Variants in TDRD10 observed in about 807,000 individuals in gnomAD.
The protein encoded by TDRD10 is tudor domain-containing protein 10.
TDRD10 carries 40 observed loss-of-function variants against 48.0 expected under a neutral mutation model. The ratio of observed to expected loss-of-function variants is 0.83; its 90% CI spans 0.65 to 1.09. The LOEUF (loss-of-function observed/expected upper bound fraction) is 1.09, where lower values mean the gene tolerates loss of function less well. TDRD10 is among the 50% of genes least tolerant of loss of function. TDRD10 has a pLI of 0.00. For missense variants in TDRD10, 378 were observed against 434.7 expected, an observed-to-expected ratio of 0.87 and a Z score of 1.16; for synonymous variants, 162 against 170.4, an observed-to-expected ratio of 0.95 and a Z score of 0.38.
At chr1:154,516,076 G>T (rs955855020) in intron 4 of TDRD10, among the ~76,000 whole-genome samples, 2 of 152,180 alleles carry the variant, frequency 1.3e-5, no homozygotes, top group African/African-American at 4.8e-5. Context: ...GCCCAGCAGG[G>T]CTCTGCTTTC....
chr1:154,541,292 G>A (rs917232994), intron 6 of TDRD10, among the ~76,000 whole-genome samples: 3 of 151,964 alleles, frequency 2.0e-5, no homozygotes, highest in African/African-American at 4.8e-5. Flanking sequence ...GAGCGGGAGA[G>A]GGGTTGGTGG....
chr1:154,519,688 A>G (rs1475315605), intron 4 of TDRD10, among the ~76,000 whole-genome samples: 1 of 152,176 alleles, frequency 6.6e-6, no homozygotes, highest in Non-Finnish European at 1.5e-5. Flanking sequence ...GGCAGAAAAG[A>G]GAAAAAATAG....
At chr1:154,522,600 CT>C (rs1159564459) in intron 6 of TDRD10, among the ~76,000 whole-genome samples, 2 of 152,070 alleles carry the variant, frequency 1.3e-5, no homozygotes, top group African/African-American at 2.4e-5. Flanking sequence ...AAAGCTAGGA[CT>C]TTGAGACCAA....
At chr1:154,544,324 T>A (rs1356933080) in intron 9 of TDRD10, 48 bp from the exon 10 acceptor site, 1 of 1,553,812 alleles carries the variant, frequency 6.4e-7, no homozygotes, top group Non-Finnish European at 8.7e-7. Context: ...GGAGGCAGAT[T>A]TGTAATGCAG....
intron 6 of TDRD10, among the ~76,000 whole-genome samples, chr1:154,523,437 G>A (rs1315315066): frequency 6.6e-6 from 1 of 152,178 alleles, no homozygotes; most frequent in African/African-American, 2.4e-5. Flanking sequence ...TAGCCCCAGC[G>A]ATTCTGACTC....
intron 11 of TDRD10, among the ~76,000 whole-genome samples, chr1:154,545,731 C>T (rs895374663): frequency 6.0e-5 from 9 of 150,516 alleles, no homozygotes; most frequent in African/African-American, 1.5e-4. Context: ...TGAGCTGCCG[C>T]GCTTAGCTGA....
At chr1:154,542,199 C>T in intron 7 of TDRD10, 133 bp downstream of exon 7, 1 of 839,450 alleles carries the variant, frequency 1.2e-6, no homozygotes, top group Non-Finnish European at 1.8e-6. Context: ...ATCCCTTTTC[C>T]CTTTCTTCCT....
intron 6 of TDRD10, among the ~76,000 whole-genome samples, chr1:154,524,035 A>AGATT (rs1273671286): frequency 3.3e-5 from 5 of 152,004 alleles, no homozygotes; most frequent in Admixed American, 6.6e-5. Context: ...CTCTTTTTTA[A>AGATT]GATTAACATT....
intron 6 of TDRD10, among the ~76,000 whole-genome samples, chr1:154,526,262 C>T (rs1694313066): frequency 6.8e-6 from 1 of 147,552 alleles, no homozygotes; most frequent in South Asian, 2.1e-4. Context: ...CTAGCCAGGC[C>T]TACAGGCACT....
rs768884159 is a variant in TDRD10, at chr1:154,508,459, A to G, written c.119A>G (p.Asn40Ser). ...KKRETEVYVG[N>S]LPLDISKEEI... Reference sequence around the variant, plus strand: ...AGAGAGACAGAGGTGTATGTTGGCAATCTTCCACTGGATATTTCTAAGGTA... The same window carrying G: ...AGAGAGACAGAGGTGTATGTTGGCAGTCTTCCACTGGATATTTCTAAGGTA... Residue 40 changes from asparagine to serine, a missense_variant, in exon 4 of 13, where the codon AAT becomes AGT. Asn to Ser is a conservative substitution (Grantham distance 46). Around this residue, in one of 2 missense-constraint regions of TDRD10, gnomAD observed 310 missense variants for 323.6 expected, o/e 0.96. Transcript: ENST00000368482. 23 of 1,610,380 alleles carry G rather than the reference A, an allele frequency of 1.4e-5. No individual in the cohort carries two copies. The highest frequency in any genetic ancestry group is 1.1e-4 in the East Asian group (5 of 44,866).
chr1:154,517,638 T>C (rs905540485), intron 4 of TDRD10, among the ~76,000 whole-genome samples: 11 of 152,164 alleles, frequency 7.2e-5, no homozygotes, highest in Non-Finnish European at 1.2e-4. Flanking sequence ...GTCAGGCTAG[T>C]CTCAAACTCC....
chr1:154,516,126 A>G (rs1693752825), intron 4 of TDRD10, among the ~76,000 whole-genome samples: 1 of 152,218 alleles, frequency 6.6e-6, no homozygotes, highest in Non-Finnish European at 1.5e-5. Flanking sequence ...GGCACCTAAT[A>G]AGTATCTATT....
At chr1:154,504,771 T>A (rs1179031975) in intron 1 of TDRD10, among the ~76,000 whole-genome samples, 1 of 152,176 alleles carries the variant, frequency 6.6e-6, no homozygotes, top group East Asian at 1.9e-4. Flanking sequence ...ATTCTTTAGG[T>A]CTTTTTAAAA....
chr1:154,526,628 G>A lies in TDRD10; in HGVS notation c.369+5149G>A, dbSNP rs571688599. 7.2e-5 allele frequency among the ~76,000 whole-genome samples: 11 copies of A among 152,084 alleles called. No homozygotes were observed. The South Asian group carries it at 2.3e-3, about 32-fold the overall frequency. On this transcript the variant is annotated intron_variant, in intron 6 of 12. Transcript: ENST00000368482. ...ACGCCACCACGCCCAGCTAATTTTTGTATTTTTGTAGAGACAGGGTTTCAC... is the reference window on the plus strand; with the variant it reads ...ACGCCACCACGCCCAGCTAATTTTTATATTTTTGTAGAGACAGGGTTTCAC...
intron 7 of TDRD10, 118 bp from the exon 8 acceptor site, chr1:154,542,613 C>T (rs1281787526): frequency 5.7e-6 from 4 of 703,302 alleles, no homozygotes; most frequent in Admixed American, 2.7e-5. Context: ...GAGGGTGCAG[C>T]TTCTTGGCCC....
intron 6 of TDRD10, among the ~76,000 whole-genome samples, chr1:154,533,900 T>A (rs1258999164): frequency 7.7e-6 from 1 of 129,370 alleles, no homozygotes; most frequent in Non-Finnish European, 1.8e-5. Flanking sequence ...TATATTTTTT[T>A]TTAATTTTCT....
Position 154,508,490 on chromosome 1 carries a change from T to C in TDRD10, c.141+9T>C, listed in dbSNP as rs1693272345. The C allele has an allele frequency of 6.3e-7, 1 of 1,581,508 alleles. No homozygotes were observed. The highest frequency in any genetic ancestry group is 1.3e-5 in the African/African-American group (1 of 74,268). On this transcript the variant is annotated intron_variant, in intron 4 of 12. Transcript: ENST00000368482. Reference sequence around the variant, plus strand: ...CACTGGATATTTCTAAGGTATTTATTCTTCACAATAGGCTGCTTATCTTCC... The same window carrying C: ...CACTGGATATTTCTAAGGTATTTATCCTTCACAATAGGCTGCTTATCTTCC...
intron 3 of TDRD10, 119 bp from the exon 4 acceptor site, chr1:154,508,304 C>T: frequency 1.4e-6 from 1 of 719,010 alleles, no homozygotes; most frequent in Non-Finnish European, 2.5e-6. Flanking sequence ...TGCTTGAGCC[C>T]AGGAATTTGA....
Position 154,502,507 on chromosome 1 carries a change from G to T in TDRD10, c.-550G>T, listed in dbSNP as rs1480312094. On this transcript the variant is annotated 5_prime_UTR_variant, in exon 1 of 13. Coordinates refer to ENST00000368482, the MANE Select transcript of TDRD10 (RefSeq NM_182499.4). ...CCGCCACCTCCTGCCCAGAGCTGGG[G>T]GCGGCGGGGTGAGCGCCATGGCAGA... is the stretch of plus-strand genomic sequence containing the variant. 1 of 152,256 alleles carries T rather than the reference G, an allele frequency of 6.6e-6. No homozygotes were observed. Among genetic ancestry groups the T allele is most frequent in the Non-Finnish European group, 1.5e-5 (1 of 68,076 alleles). The allele number at this position is 152,256 out of a possible 1,614,324, so 9.4% of individuals were successfully genotyped here. A position where few individuals can be genotyped will look rare whatever the true frequency, so the allele number is the denominator to read the frequency against.
Sources: gnomAD v4.1 joint callset for allele counts (sites outside exome capture counted in the v4.1 genomes callset) on GRCh38, gnomAD v4.1.1 for gene constraint, gnomAD v4.1.1 regional missense constraint, MANE v1.5 for transcripts, NCBI Gene and HGNC (gene_info 2026-07-23, HGNC 2026-07-21) for gene names.